Variants in CCDC6 observed in about 807,000 individuals in gnomAD.
The protein encoded by CCDC6 is coiled-coil domain containing 6.
Under a neutral mutation model 56.6 loss-of-function variants are expected in CCDC6, and 20 were observed. That is an observed-to-expected ratio of 0.35 (90% CI 0.25 to 0.51). The LOEUF (loss-of-function observed/expected upper bound fraction) is 0.51, where lower values mean the gene tolerates loss of function less well. CCDC6 is among the 20% of genes least tolerant of loss of function. The probability of loss-of-function intolerance (pLI) is 0.95; values close to 1 mark genes in which losing one functional copy is unlikely to be tolerated. For synonymous variants in CCDC6, 241 were observed against 234.4 expected (o/e 1.03, Z -0.26); for missense variants, 367 against 601.1 (o/e 0.61, Z 4.07).
intron 2 of CCDC6, among the ~76,000 whole-genome samples, chr10:59,839,604 T>C (rs1257024903): frequency 6.6e-6 from 1 of 152,178 alleles, no homozygotes; most frequent in Non-Finnish European, 1.5e-5. Flanking sequence ...TCTTATGGTA[T>C]TTACTTCCTT....
At chr10:59,833,541 C>G (rs1481347265) in intron 2 of CCDC6, among the ~76,000 whole-genome samples, 1 of 149,148 alleles carries the variant, frequency 6.7e-6, no homozygotes, top group Non-Finnish European at 1.5e-5. Flanking sequence ...AAACTCCAAC[C>G]TACAAAACCA....
intron 3 of CCDC6, among the ~76,000 whole-genome samples, chr10:59,821,619 T>C (rs950004227): frequency 6.6e-6 from 1 of 152,174 alleles, no homozygotes; most frequent in Admixed American, 6.5e-5. Context: ...TTCTAGGTCA[T>C]CACACAGCTC....
intron 1 of CCDC6, among the ~76,000 whole-genome samples, chr10:59,889,021 C>T (rs931310946): frequency 6.6e-6 from 1 of 151,852 alleles, no homozygotes; most frequent in South Asian, 2.1e-4. Flanking sequence ...ACATCCTCAT[C>T]AGAGCTGGGG....
At chr10:59,875,135 C>T (rs1348310354) in intron 1 of CCDC6, among the ~76,000 whole-genome samples, 2 of 152,146 alleles carry the variant, frequency 1.3e-5, no homozygotes, top group Non-Finnish European at 2.9e-5. Flanking sequence ...GTGGGAACCA[C>T]AACATGACCC....
chr10:59,899,475 A>C (rs2071488402), intron 1 of CCDC6, among the ~76,000 whole-genome samples: 1 of 152,234 alleles, frequency 6.6e-6, no homozygotes, highest in East Asian at 1.9e-4. Flanking sequence ...ACACAAATAC[A>C]CTGTGGTGAC....
chr10:59,854,554 C>T (rs72809589), intron 1 of CCDC6, among the ~76,000 whole-genome samples: 1,764 of 151,708 alleles, frequency 0.012, 13 homozygotes, highest in South Asian at 0.033. Context: ...ACCCAGTGAG[C>T]AGTCCATAGG....
At chr10:59,868,403 C>G (rs1159248737) in intron 1 of CCDC6, among the ~76,000 whole-genome samples, 1 of 152,204 alleles carries the variant, frequency 6.6e-6, no homozygotes, top group Non-Finnish European at 1.5e-5. Flanking sequence ...CACCACTGGG[C>G]CATGCAGATA....
At chr10:59,824,728 C>G (rs1239774249) in intron 3 of CCDC6, among the ~76,000 whole-genome samples, 1 of 152,080 alleles carries the variant, frequency 6.6e-6, no homozygotes, top group African/African-American at 2.4e-5. Context: ...AGCTGTTTTT[C>G]TAGGGGAACG....
At chr10:59,857,160 T>G (rs553873789) in intron 1 of CCDC6, among the ~76,000 whole-genome samples, 18 of 152,170 alleles carry the variant, frequency 1.2e-4, no homozygotes, top group Admixed American at 5.2e-4. Flanking sequence ...TACTAAAATC[T>G]AATAAAAAGG....
At chr10:59,814,872 A>G in intron 3 of CCDC6, 117 bp from the exon 4 acceptor site, 2 of 652,892 alleles carry the variant, frequency 3.1e-6, no homozygotes, top group Non-Finnish European at 5.5e-6. Flanking sequence ...CATGTGGCCA[A>G]TTTTCTGGCA....
At chr10:59,793,555 G>A (rs2070486146) in intron 8 of CCDC6, among the ~76,000 whole-genome samples, 1 of 152,170 alleles carries the variant, frequency 6.6e-6, no homozygotes, top group Admixed American at 6.5e-5. Flanking sequence ...AGGTAGAGGT[G>A]GGTGGATAAC....
At chr10:59,841,373 C>T (rs4948373) in intron 2 of CCDC6, among the ~76,000 whole-genome samples, 78,238 of 152,078 alleles carry the variant, frequency 0.51, 21,913 homozygotes, top group African/African-American at 0.75. Flanking sequence ...TGTTCTATAT[C>T]TTTCCATGGC....
At chr10:59,840,131 G>GT (rs1417869979) in intron 2 of CCDC6, among the ~76,000 whole-genome samples, 15 of 151,986 alleles carry the variant, frequency 9.9e-5, no homozygotes, top group African/African-American at 1.5e-4. Flanking sequence ...GCCATTTCTA[G>GT]TTTTTTATCA....
At chr10:59,835,809 G>T (rs2070877149) in intron 2 of CCDC6, among the ~76,000 whole-genome samples, 1 of 152,102 alleles carries the variant, frequency 6.6e-6, no homozygotes, top group African/African-American at 2.4e-5. Context: ...TATAATCCCA[G>T]CACTTTTAGA....
intron 1 of CCDC6, among the ~76,000 whole-genome samples, chr10:59,860,194 T>C (rs2071116199): frequency 6.6e-6 from 1 of 152,160 alleles, no homozygotes; most frequent in Admixed American, 6.5e-5. Context: ...TAAGCAAAAC[T>C]GGTCTGTGTG....
intron 8 of CCDC6, among the ~76,000 whole-genome samples, chr10:59,793,679 G>A (rs914493005): frequency 6.6e-5 from 10 of 151,912 alleles, no homozygotes; most frequent in African/African-American, 1.7e-4. Context: ...AGCTACTCGG[G>A]AGGCTGAGGC....
In CCDC6 at chr10:59,831,040, CTT is replaced by C. The variant is rs1308036380; in HGVS notation, c.582+1483_582+1484del. Among the ~76,000 whole-genome samples, 14 of 152,328 alleles carry C rather than the reference CTT, an allele frequency of 9.2e-5. No individual in the cohort carries two copies. In the South Asian group the frequency reaches 2.9e-3, roughly 32 times the overall value. On this transcript the variant is annotated intron_variant, in intron 3 of 8. Transcript: ENST00000263102. ...AAGTAAATACTTGGTGTGTCAGGGACTTAAACACAAATCTTCGAAGCTTACCT... is the reference window on the plus strand; with the variant it reads ...AAGTAAATACTTGGTGTGTCAGGGACAAACACAAATCTTCGAAGCTTACCT...
At chr10:59,873,150 A>G (rs1399312001) in intron 1 of CCDC6, among the ~76,000 whole-genome samples, 2 of 152,164 alleles carry the variant, frequency 1.3e-5, no homozygotes, top group East Asian at 1.9e-4. Flanking sequence ...ACCTTTCCAT[A>G]GCTCCACTCC....
At chr10:59,840,637 C>A (rs1180336525) in intron 2 of CCDC6, among the ~76,000 whole-genome samples, 1 of 152,178 alleles carries the variant, frequency 6.6e-6, no homozygotes, top group Non-Finnish European at 1.5e-5. Flanking sequence ...CATATGGAAG[C>A]CCAGACATTG....
Sources: allele counts gnomAD v4.1 joint callset (sites outside exome capture counted in the v4.1 genomes callset), GRCh38; gene constraint gnomAD v4.1.1; transcripts MANE v1.5; gene names NCBI Gene and HGNC (gene_info 2026-07-23, HGNC 2026-07-21).